DOCK1: variants seen among roughly 807,000 people sequenced by gnomAD.
DOCK1 encodes the protein dedicator of cytokinesis protein 1.
In DOCK1, 138 loss-of-function variants were observed where a neutral mutation model predicts 262.7. The ratio of observed to expected loss-of-function variants is 0.53; its 90% CI spans 0.46 to 0.61. The LOEUF is 0.61. Ranked by LOEUF, DOCK1 falls within the 20% of genes least tolerant of loss-of-function variation. The pLI is 0.00. For missense variants in DOCK1, 1,908 were observed against 2,370.7 expected, an observed-to-expected ratio of 0.80 and a Z score of 4.05; for synonymous variants, 866 against 867.4, an observed-to-expected ratio of 1.00 and a Z score of 0.03.
At chr10:127,109,988 C>T (rs1050836937) in intron 24 of DOCK1, among the ~76,000 whole-genome samples, 1 of 152,072 alleles carries the variant, frequency 6.6e-6, no homozygotes, top group African/African-American at 2.4e-5. Flanking sequence ...TGACTGTTCT[C>T]ATTTCATTAT....
intron 26 of DOCK1, among the ~76,000 whole-genome samples, chr10:127,127,379 G>A (rs1592129706): frequency 6.6e-6 from 1 of 151,976 alleles, no homozygotes; most frequent in African/African-American, 2.4e-5. Flanking sequence ...GGCTAATCAG[G>A]GATCATAAAC....
At chr10:127,162,759 G>A (rs1013168213) in intron 27 of DOCK1, among the ~76,000 whole-genome samples, 3 of 152,216 alleles carry the variant, frequency 2.0e-5, no homozygotes, top group Admixed American at 2.0e-4. Context: ...GACATAACGA[G>A]CCGGCCTCCC....
chr10:127,361,642 T>G (rs2064457828), intron 32 of DOCK1, among the ~76,000 whole-genome samples: 1 of 152,172 alleles, frequency 6.6e-6, no homozygotes, highest in African/African-American at 2.4e-5. Context: ...CTATCTGCTC[T>G]CTCTCATTTG....
At chr10:127,206,995 T>C (rs912225416) in intron 27 of DOCK1, among the ~76,000 whole-genome samples, 9 of 152,226 alleles carry the variant, frequency 5.9e-5, no homozygotes, top group Non-Finnish European at 1.2e-4. Context: ...GTATTTTACT[T>C]CTAATGCTTT....
chr10:127,034,013 G>A (rs2043416742), intron 18 of DOCK1, among the ~76,000 whole-genome samples: 6 of 152,170 alleles, frequency 3.9e-5, no homozygotes. Context: ...TGGTTGTGTA[G>A]TGGTCTCCAT....
intron 29 of DOCK1, among the ~76,000 whole-genome samples, chr10:127,260,812 T>TC (rs1554933735): frequency 7.3e-6 from 1 of 136,834 alleles, no homozygotes; most frequent in Non-Finnish European, 1.6e-5. Context: ...CATCTGTGTG[T>TC]CCCTGCATGT....
intron 1 of DOCK1, among the ~76,000 whole-genome samples, chr10:126,960,380 T>C (rs2037101184): frequency 6.6e-6 from 1 of 151,316 alleles, no homozygotes; most frequent in Non-Finnish European, 1.5e-5. Context: ...TGAGAAGCCT[T>C]TATTGGGCAC....
chr10:127,159,752 C>G (rs1228555119), intron 27 of DOCK1, among the ~76,000 whole-genome samples: 3 of 152,108 alleles, frequency 2.0e-5, no homozygotes, highest in Non-Finnish European at 4.4e-5. Flanking sequence ...GAAGGGCAGG[C>G]CCATGGCAGA....
At chr10:127,063,948 C>T (rs545298830) in intron 23 of DOCK1, among the ~76,000 whole-genome samples, 19 of 152,292 alleles carry the variant, frequency 1.2e-4, no homozygotes, top group Non-Finnish European at 2.8e-4. Flanking sequence ...TGTCACCTCC[C>T]TTCTGGTAAT....
chr10:126,991,950 G>T (rs1273744993), intron 6 of DOCK1, among the ~76,000 whole-genome samples: 1 of 152,152 alleles, frequency 6.6e-6, no homozygotes, highest in Admixed American at 6.5e-5. Flanking sequence ...AAGGGAAGGG[G>T]TTTGCTTCCA....
intron 26 of DOCK1, among the ~76,000 whole-genome samples, chr10:127,126,970 T>TGGAGA (rs2050002763): frequency 6.6e-6 from 1 of 152,180 alleles, no homozygotes; most frequent in Non-Finnish European, 1.5e-5. Context: ...GCATTGCCTT[T>TGGAGA]GGAGAGGTCT....
chr10:127,039,302 G>A (rs540449959), intron 19 of DOCK1, among the ~76,000 whole-genome samples: 3 of 152,220 alleles, frequency 2.0e-5, no homozygotes, highest in South Asian at 2.1e-4. Flanking sequence ...ATACATGAAC[G>A]TAGTTGAGAA....
chr10:126,951,464 G>C lies in DOCK1; in HGVS notation c.47-19238G>C, dbSNP rs951152511. On this transcript the variant is annotated intron_variant, in intron 1 of 51. Transcript: ENST00000623213. ...GGTAGTGTTGGTAGTATTGGTAGTAGTGGTAGTATTCGTAGTATTGTTGGT... is the reference window on the plus strand; with the variant it reads ...GGTAGTGTTGGTAGTATTGGTAGTACTGGTAGTATTCGTAGTATTGTTGGT... 9.1e-3 allele frequency among the ~76,000 whole-genome samples: 1,386 copies of C among 151,636 alleles called. 20 individuals are homozygous for C. The highest frequency in any genetic ancestry group is 0.03 in the African/African-American group (1,233 of 41,250).
intron 27 of DOCK1, among the ~76,000 whole-genome samples, chr10:127,144,124 C>G (rs770479478): frequency 1.3e-5 from 2 of 152,172 alleles, no homozygotes; most frequent in South Asian, 4.1e-4. Context: ...CAGTTTCCTC[C>G]TTGGCCATTG....
At chr10:127,067,406 A>T (rs1469800144) in intron 23 of DOCK1, among the ~76,000 whole-genome samples, 1 of 152,192 alleles carries the variant, frequency 6.6e-6, no homozygotes, top group Non-Finnish European at 1.5e-5. Context: ...AGTCTGTTCC[A>T]TCTGGGGCTG....
intron 38 of DOCK1, among the ~76,000 whole-genome samples, chr10:127,398,136 C>T (rs1028778008): frequency 2.0e-5 from 3 of 152,140 alleles, no homozygotes; most frequent in African/African-American, 4.8e-5. Flanking sequence ...AGCTGCAGAC[C>T]GTCTTTGCTG....
chr10:127,375,277 A>G (rs963888912), intron 35 of DOCK1, among the ~76,000 whole-genome samples: 5 of 152,230 alleles, frequency 3.3e-5, no homozygotes, highest in African/African-American at 1.2e-4. Flanking sequence ...CTTCTCTTAT[A>G]AAGAAACACA....
chr10:126,928,109 G>A (rs965598445), intron 1 of DOCK1, among the ~76,000 whole-genome samples: 8 of 152,350 alleles, frequency 5.3e-5, no homozygotes, highest in African/African-American at 1.2e-4. Flanking sequence ...CGTGTCGCTC[G>A]TTGGAGAAGC....
chr10:127,200,493 A>C (rs1245640254), intron 27 of DOCK1, among the ~76,000 whole-genome samples: 2 of 152,074 alleles, frequency 1.3e-5, no homozygotes, highest in Non-Finnish European at 2.9e-5. Flanking sequence ...ATGTCAGTTT[A>C]CTGCAACCTC....
Sources: gnomAD v4.1 joint callset for allele counts (sites outside exome capture counted in the v4.1 genomes callset) on GRCh38, gnomAD v4.1.1 for gene constraint, MANE v1.5 for transcripts, NCBI Gene and HGNC (gene_info 2026-07-23, HGNC 2026-07-21) for gene names.